ERICH6: variants seen among roughly 807,000 people sequenced by gnomAD.
The protein encoded by ERICH6 is glutamate rich 6.
ERICH6 carries 71 observed loss-of-function variants against 71.0 expected under a neutral mutation model. The observed-to-expected ratio is 1.00, with a 90% CI of 0.83 to 1.22. The LOEUF is 1.22. ERICH6 is among the 50% of genes most tolerant of loss of function. The probability of loss-of-function intolerance (pLI) is 0.00; values close to 1 mark genes in which losing one functional copy is unlikely to be tolerated. For missense variants in ERICH6, 808 were observed against 797.2 expected (o/e 1.01, Z -0.16); for synonymous variants, 262 against 278.4 (o/e 0.94, Z 0.59).
rs568717341 is a variant in ERICH6 at position 150,682,248 on chromosome 3, A to G, written c.852T>C (p.Asn284=). 10 of 1,614,040 alleles carry G rather than the reference A, an allele frequency of 6.2e-6. No individual in the cohort carries two copies. The highest frequency in any genetic ancestry group is 5.3e-5 in the African/African-American group (4 of 75,048). Residue 284 remains asparagine (N), a synonymous_variant, in exon 7 of 14, where the codon AAT becomes AAC. Transcript: ENST00000295910. The stretch of plus-strand genomic sequence containing the variant: ...CTTTTGGTTCAGAGGAAACATCCAC[A>G]TTAGAAAAAAATGCTCTTAGATCGC... ...CGSDLRAFFS[N]VDVSSEPKGH...
chr3:150,673,829 C>A (rs1359104495), intron 11 of ERICH6, 127 bp downstream of exon 11: 5 of 782,032 alleles, frequency 6.4e-6, no homozygotes, highest in Non-Finnish European at 1.0e-5. Flanking sequence ...GATCTGCCCA[C>A]CTCAGCCTCC....
rs770361826 is a variant in ERICH6, at chr3:150,672,264, C to CATACATATATATATATATATATATAT, written c.1343+1691_1343+1692insATATATATATATATATATATATGTAT. Among the ~76,000 whole-genome samples, 16 of 123,620 alleles carry CATACATATATATATATATATATATAT rather than the reference C, an allele frequency of 1.3e-4. 1 individual carries two copies. The highest frequency in any genetic ancestry group is 2.8e-4 in the South Asian group (1 of 3,548). The allele number at this position is 123,620 out of a possible 152,430, so 81.1% of individuals were successfully genotyped here. A position where few individuals can be genotyped will look rare whatever the true frequency, so the allele number is the denominator to read the frequency against. On this transcript the variant is annotated intron_variant, in intron 11 of 13. Coordinates refer to ENST00000295910, the MANE Select transcript of ERICH6 (RefSeq NM_152394.5). ...TAAACAAAGAATCCATTTATATATA[C>CATACATATATATATATATATATATAT]ATATATATATATATGCTCATACACA...
At chr3:150,685,662 C>A in intron 6 of ERICH6, 80 bp downstream of exon 6, 2 of 1,073,394 alleles carry the variant, frequency 1.9e-6, no homozygotes, top group Non-Finnish European at 2.7e-6. Context: ...AGAGTATTTT[C>A]ACTGTCTATT....
At chr3:150,695,877 CA>C (rs1712639746) in intron 3 of ERICH6, among the ~76,000 whole-genome samples, 1 of 151,568 alleles carries the variant, frequency 6.6e-6, no homozygotes, top group Admixed American at 6.6e-5. Context: ...AAAAAGGTAT[CA>C]ATTATTCACA....
At chr3:150,695,544 T>C (rs1410628585) in intron 3 of ERICH6, among the ~76,000 whole-genome samples, 1 of 150,998 alleles carries the variant, frequency 6.6e-6, no homozygotes, top group Non-Finnish European at 1.5e-5. Flanking sequence ...GGCTCATGCC[T>C]GTAATCCCAG....
At chr3:150,689,629 T>C (rs1426613863) in intron 3 of ERICH6, among the ~76,000 whole-genome samples, 1 of 152,198 alleles carries the variant, frequency 6.6e-6, no homozygotes, top group East Asian at 1.9e-4. Flanking sequence ...AAGGCCTTCA[T>C]GTTATCTTTT....
intron 10 of ERICH6, among the ~76,000 whole-genome samples, chr3:150,677,537 C>T (rs1711707488): frequency 6.6e-6 from 1 of 151,518 alleles, no homozygotes; most frequent in Middle Eastern, 3.4e-3. Flanking sequence ...TGCTCTGTCA[C>T]CCAGGCTGGA....
chr3:150,678,243 G>A (rs922137477), intron 10 of ERICH6, among the ~76,000 whole-genome samples, 166 bp downstream of exon 10: 2 of 152,146 alleles, frequency 1.3e-5, no homozygotes, highest in Non-Finnish European at 2.9e-5. Context: ...CCAAACATAT[G>A]ACATTGTTAT....
intron 3 of ERICH6, among the ~76,000 whole-genome samples, 189 bp from the exon 4 acceptor site, chr3:150,686,543 T>C (rs1219339212): frequency 6.6e-6 from 1 of 152,266 alleles, no homozygotes; most frequent in Admixed American, 6.5e-5. Context: ...TAGCATTCTA[T>C]ATATCACATT....
At chr3:150,699,255 G>A (rs1712768847) in intron 2 of ERICH6, among the ~76,000 whole-genome samples, 1 of 152,220 alleles carries the variant, frequency 6.6e-6, no homozygotes, top group Non-Finnish European at 1.5e-5. Context: ...AGGCTGCAGT[G>A]AGCCGTGATT....
chr3:150,660,658 C>G (rs552981956), intron 13 of ERICH6, among the ~76,000 whole-genome samples: 6 of 152,344 alleles, frequency 3.9e-5, no homozygotes, highest in African/African-American at 1.4e-4. Flanking sequence ...TTGGCCTCTG[C>G]TCTCCCCACT....
At chr3:150,693,769 T>G (rs1337769490) in intron 3 of ERICH6, among the ~76,000 whole-genome samples, 1 of 152,210 alleles carries the variant, frequency 6.6e-6, no homozygotes, top group African/African-American at 2.4e-5. Context: ...TGTTGTTAGA[T>G]TCTTGTCTTG....
chr3:150,692,796 T>C (rs1712504327), intron 3 of ERICH6, among the ~76,000 whole-genome samples: 1 of 152,126 alleles, frequency 6.6e-6, no homozygotes, highest in South Asian at 2.1e-4. Flanking sequence ...CAGACAATTG[T>C]TATCTTGTTT....
At chr3:150,674,138 C>T in intron 10 of ERICH6, 97 bp from the exon 11 acceptor site, 1 of 921,128 alleles carries the variant, frequency 1.1e-6, no homozygotes, top group Admixed American at 2.3e-5. Flanking sequence ...GACAGTCATA[C>T]AAATCAATTA....
At chr3:150,668,656 T>G (rs780159383) in intron 12 of ERICH6, among the ~76,000 whole-genome samples, 9 of 152,348 alleles carry the variant, frequency 5.9e-5, no homozygotes. Context: ...TTGTTATACC[T>G]GTATATAACT....
At chr3:150,680,080 T>C (rs1446495170) in intron 9 of ERICH6, among the ~76,000 whole-genome samples, 3 of 152,376 alleles carry the variant, frequency 2.0e-5, no homozygotes, top group Middle Eastern at 3.4e-3. Context: ...AAGTGCTCTG[T>C]AGGTGTTGCT....
At chr3:150,697,157 C>A (rs1193349182) in intron 3 of ERICH6, among the ~76,000 whole-genome samples, 1 of 150,952 alleles carries the variant, frequency 6.6e-6, no homozygotes, top group Non-Finnish European at 1.5e-5. Flanking sequence ...GGTGTGATAC[C>A]ATTCATGTAA....
chr3:150,662,164 C>A (rs1727247383), intron 13 of ERICH6, among the ~76,000 whole-genome samples: 1 of 152,044 alleles, frequency 6.6e-6, no homozygotes, highest in South Asian at 2.1e-4. Context: ...AAAACAAAAC[C>A]CTCACTAATA....
intron 3 of ERICH6, among the ~76,000 whole-genome samples, chr3:150,687,404 G>A (rs1712241505): frequency 6.6e-6 from 1 of 152,116 alleles, no homozygotes; most frequent in Admixed American, 6.6e-5. Context: ...TAGATAAGAG[G>A]GGACTATTAT....
Sources: allele counts gnomAD v4.1 joint callset (sites outside exome capture counted in the v4.1 genomes callset), GRCh38; gene constraint gnomAD v4.1.1; transcripts MANE v1.5; gene names NCBI Gene and HGNC (gene_info 2026-07-23, HGNC 2026-07-21).